The following FUBP1 variants were observed in gnomAD, a reference collection of about 807,000 sequenced individuals.
The protein encoded by FUBP1 is far upstream element binding protein 1.
In FUBP1, 16 loss-of-function variants were observed where a neutral mutation model predicts 94.9. The ratio of observed to expected loss-of-function variants is 0.17; its 90% CI spans 0.11 to 0.26. The LOEUF is 0.26. Among genes scored for constraint, FUBP1 ranks in the 10% least tolerant of loss-of-function variants. The probability of loss-of-function intolerance (pLI) is 1.00; values close to 1 mark genes in which losing one functional copy is unlikely to be tolerated. For missense variants in FUBP1, 583 were observed against 808.6 expected (o/e 0.72, Z 3.38); for synonymous variants, 279 against 254.9 (o/e 1.09, Z -0.90).
chr1:77,967,919 A>C (rs1656816136), intron 3 of FUBP1, among the ~76,000 whole-genome samples: 1 of 152,166 alleles, frequency 6.6e-6, no homozygotes, highest in African/African-American at 2.4e-5. Context: ...ACAAGTATAG[A>C]TCAAGAATTG....
At chr1:77,969,575 C>T (rs545094084) in intron 2 of FUBP1, among the ~76,000 whole-genome samples, 21 of 152,102 alleles carry the variant, frequency 1.4e-4, no homozygotes, top group Admixed American at 3.3e-4. Flanking sequence ...AATCCATTCA[C>T]GTATGAGTAA....
Position 77,978,882 on chromosome 1 carries a change from T to TA in FUBP1, c.120+2dup. On this transcript the variant is annotated splice_region_variant and intron_variant, in intron 1 of 19. Transcript: ENST00000370768. ...GGGATTCCGCCGCGCGGTCCACACT[T>TA]ACCTGCCGGGCTCTCTGCAGTGCAT... 6.2e-7 allele frequency: 1 copy of TA among 1,613,576 alleles called. No homozygotes were observed. Among genetic ancestry groups the TA allele is most frequent in the Non-Finnish European group, 8.5e-7 (1 of 1,179,836 alleles).
At chr1:77,949,688 C>T in intron 18 of FUBP1, among the ~76,000 whole-genome samples, 1 of 152,148 alleles carries the variant, frequency 6.6e-6, no homozygotes, top group East Asian at 1.9e-4. Context: ...ATCCACACTG[C>T]TTTAGCTAAG....
intron 16 of FUBP1, among the ~76,000 whole-genome samples, chr1:77,959,061 A>G (rs1450309580): frequency 1.3e-5 from 2 of 152,224 alleles, no homozygotes; most frequent in East Asian, 3.8e-4. Context: ...CTGTGTCATC[A>G]TATTCCAAAC....
chr1:77,979,123 G>T, upstream of FUBP1: 1 of 1,029,690 alleles, frequency 9.7e-7, no homozygotes, highest in South Asian at 1.7e-5. Flanking sequence ...CCATCGTGCC[G>T]TAAAGGGGCG....
At position 77,960,239 on chromosome 1, in the gene FUBP1, G is replaced by C. The variant is rs374670495; in HGVS notation, c.1521C>G (p.Pro507=). ...GTGGATATGCATTTCCCCATCCCTG[G>C]GGAGCATATGGGGCTGGAGGACCAC... ...APHGPPAPYA[P]QGWGNAYPHW... is the part of the protein sequence containing the mutation. The change falls in exon 16 of 20, where the codon CCC becomes CCG. Residue 507 remains proline, a synonymous_variant. Transcript: ENST00000370768. The C allele has an allele frequency of 1.2e-6, 2 of 1,612,668 alleles. No homozygotes were observed. The highest frequency in any genetic ancestry group is 1.7e-6 in the Non-Finnish European group (2 of 1,179,260).
chr1:77,978,313 A>G (rs537626177), intron 1 of FUBP1, among the ~76,000 whole-genome samples: 1 of 152,326 alleles, frequency 6.6e-6, no homozygotes, highest in South Asian at 2.1e-4. Context: ...CATTTTGAGA[A>G]ATAAGGGGGG....
intron 18 of FUBP1, among the ~76,000 whole-genome samples, chr1:77,949,865 T>C (rs1017491771): frequency 9.9e-5 from 15 of 152,158 alleles, no homozygotes; most frequent in African/African-American, 3.6e-4. Flanking sequence ...CACACACACA[T>C]AATAAGATGT....
rs369385671 is a variant in FUBP1 at position 77,979,017 on chromosome 1, A to G, written c.-13T>C. 7.1e-5 allele frequency: 113 copies of G among 1,602,410 alleles called. 1 individual carries two copies. In the African/African-American group the frequency reaches 1.4e-3, roughly 20 times the overall value. ...AATAGTCTGCCATGGTTGCACTATA[A>G]GAGCCGCTGCCGCCTGTTCAGAGAC... is the stretch of plus-strand genomic sequence containing the variant. On this transcript the variant is annotated 5_prime_UTR_variant, in exon 1 of 20. Coordinates refer to ENST00000370768, the MANE Select transcript of FUBP1 (RefSeq NM_003902.5).
At chr1:77,965,837 A>T (rs745581634) in intron 7 of FUBP1, among the ~76,000 whole-genome samples, 4 of 152,204 alleles carry the variant, frequency 2.6e-5, no homozygotes, top group Non-Finnish European at 5.9e-5. Flanking sequence ...TCACGAGGTC[A>T]AGAGATTGAG....
intron 17 of FUBP1, 84 bp downstream of exon 17, chr1:77,956,488 T>G: frequency 1.4e-6 from 1 of 699,554 alleles, no homozygotes. Flanking sequence ...ATGTCAGAAA[T>G]TTTAGGTATT....
chr1:77,967,534 G>T, intron 4 of FUBP1, 93 bp downstream of exon 4: 2 of 885,820 alleles, frequency 2.3e-6, no homozygotes, highest in Non-Finnish European at 1.8e-6. Context: ...AAAATACACA[G>T]ACACATATTC....
chr1:77,976,158 A>G (rs1007402608), intron 1 of FUBP1, among the ~76,000 whole-genome samples: 2 of 152,264 alleles, frequency 1.3e-5, no homozygotes, highest in Non-Finnish European at 2.9e-5. Flanking sequence ...AGGATTCTAG[A>G]AACTTAAGTC....
chr1:77,947,939 A>T lies in FUBP1; in HGVS notation c.*827T>A, dbSNP rs1558012778. 2.0e-6 allele frequency: 2 copies of T among 1,014,128 alleles called. No individual in the cohort carries two copies. The highest frequency in any genetic ancestry group is 2.4e-6 in the Non-Finnish European group (2 of 827,106). 62.8% of individuals were successfully genotyped at this position (1,014,128 alleles called of 1,614,324 possible). A position where few individuals can be genotyped will look rare whatever the true frequency, so the allele number is the denominator to read the frequency against. On this transcript the variant is annotated 3_prime_UTR_variant, in exon 20 of 20. Transcript: ENST00000370768. ...ATTGAAAGAGTTGCTTCACATGGAAAAAAACTGTTCTTATTAGACTACTCA... is the reference window on the plus strand; with the variant it reads ...ATTGAAAGAGTTGCTTCACATGGAATAAAACTGTTCTTATTAGACTACTCA...
At chr1:77,978,315 T>G (rs1269582388) in intron 1 of FUBP1, among the ~76,000 whole-genome samples, 1 of 152,072 alleles carries the variant, frequency 6.6e-6, no homozygotes, top group African/African-American at 2.4e-5. Context: ...TTTTGAGAAA[T>G]AAGGGGGGCG....
intron 1 of FUBP1, among the ~76,000 whole-genome samples, chr1:77,975,127 G>A (rs1472270029): frequency 6.6e-6 from 1 of 152,120 alleles, no homozygotes; most frequent in African/African-American, 2.4e-5. Context: ...TCTGATCCAT[G>A]GTTGGCTGAA....
At chr1:77,968,048 A>G (rs1656847034) in intron 3 of FUBP1, 117 bp downstream of exon 3, 1 of 627,520 alleles carries the variant, frequency 1.6e-6, no homozygotes. Context: ...AATTCAGGCT[A>G]GCTGATCCAA....
At chr1:77,978,252 G>C (rs928864243) in intron 1 of FUBP1, among the ~76,000 whole-genome samples, 1 of 152,218 alleles carries the variant, frequency 6.6e-6, no homozygotes, top group Non-Finnish European at 1.5e-5. Flanking sequence ...TTACGACTCT[G>C]AACTGAGAGG....
In FUBP1 at chr1:77,948,214, G is replaced by A; in HGVS notation, c.*552C>T. On this transcript the variant is annotated 3_prime_UTR_variant, in exon 20 of 20. Coordinates refer to ENST00000370768, the MANE Select transcript of FUBP1 (RefSeq NM_003902.5). The stretch of plus-strand genomic sequence containing the variant: ...GATATCAGGATTACTTGTGCTGAAA[G>A]AGCCAATACAATAAATGGAAAAGAT... 3 of 1,051,748 alleles carry A rather than the reference G, an allele frequency of 2.9e-6. No homozygotes were observed. Among genetic ancestry groups the A allele is most frequent in the Non-Finnish European group, 3.4e-6 (3 of 870,438 alleles). The allele number at this position is 1,051,748 out of a possible 1,614,324, so 65.2% of individuals were successfully genotyped here. A position where few individuals can be genotyped will look rare whatever the true frequency, so the allele number is the denominator to read the frequency against.
Sources: allele counts gnomAD v4.1 joint callset (sites outside exome capture counted in the v4.1 genomes callset), GRCh38; gene constraint gnomAD v4.1.1; transcripts MANE v1.5; gene names NCBI Gene and HGNC (gene_info 2026-07-23, HGNC 2026-07-21).